The following DHX57 variants were observed in gnomAD, a reference collection of about 807,000 sequenced individuals.
The protein encoded by DHX57 is DExH-box helicase 57.
Under a neutral mutation model 156.2 loss-of-function variants are expected in DHX57, and 105 were observed. The ratio of observed to expected loss-of-function variants is 0.67; its 90% confidence interval spans 0.57 to 0.79. The LOEUF is 0.79. DHX57 is among the 30% of genes least tolerant of loss of function. DHX57 has a pLI of 0.00. For missense variants in DHX57, 1,847 were observed against 1,661.9 expected (o/e 1.11, Z -1.94); for synonymous variants, 704 against 595.6 (o/e 1.18, Z -2.65).
chr2:38,798,151 C>T lies in DHX57; in HGVS notation c.*148G>A. 9.4e-7 allele frequency: 1 copy of T among 1,062,946 alleles called. No homozygotes were observed. The highest frequency in any genetic ancestry group is 1.3e-6 in the Non-Finnish European group (1 of 740,828). The allele number at this position is 1,062,946 out of a possible 1,614,324, so 65.8% of individuals were successfully genotyped here. A position where few individuals can be genotyped will look rare whatever the true frequency, so the allele number is the denominator to read the frequency against. ...TTAGAAATGGCCCTAAGGGTATATA[C>T]ACTGCCTCAGCTGCCTTGGGCTTCA... On this transcript the variant is annotated 3_prime_UTR_variant, in exon 24 of 24. Transcript: ENST00000457308.
At chr2:38,848,500 C>G in intron 9 of DHX57, 98 bp from the exon 10 acceptor site, 1 of 1,229,708 alleles carries the variant, frequency 8.1e-7, no homozygotes, top group Middle Eastern at 2.1e-4. Context: ...TGTAAGATCT[C>G]TGTGAAAAAA....
rs564661659 is a variant in DHX57, at chr2:38,817,639, A to G, written c.3471+1238T>C. 2.6e-5 allele frequency among the ~76,000 whole-genome samples: 4 copies of G among 152,108 alleles called. No individual in the cohort carries two copies. The East Asian group carries it at 7.7e-4, about 29-fold the overall frequency. On this transcript the variant is annotated intron_variant, in intron 19 of 23. Coordinates refer to ENST00000457308, the MANE Select transcript of DHX57 (RefSeq NM_198963.3). ...CCTCATCACTTTGGAAGGGCACCTAAAACACTGTTGCAACAGGAGACAGAA... is the reference window on the plus strand; with the variant it reads ...CCTCATCACTTTGGAAGGGCACCTAGAACACTGTTGCAACAGGAGACAGAA...
chr2:38,847,863 C>T (rs1672371498), intron 10 of DHX57, among the ~76,000 whole-genome samples: 1 of 152,100 alleles, frequency 6.6e-6, no homozygotes, highest in African/African-American at 2.4e-5. Context: ...GCGGGCAGAT[C>T]GTGAGGTCAG....
intron 1 of DHX57, among the ~76,000 whole-genome samples, chr2:38,874,222 G>C (rs1039670896): frequency 7.2e-5 from 11 of 151,902 alleles, no homozygotes; most frequent in African/African-American, 2.7e-4. Flanking sequence ...CTCCTGAATA[G>C]CTGGGACCAC....
At position 38,861,852 on chromosome 2, in the gene DHX57, A is replaced by C. The variant is rs1673241673; in HGVS notation, c.573-15T>G. 1 of 1,560,958 alleles carries C rather than the reference A, an allele frequency of 6.4e-7. No individual in the cohort carries two copies. Among genetic ancestry groups the C allele is most frequent in the South Asian group, 1.2e-5 (1 of 83,506 alleles). ...TGAAACCATACCTGTCAAGGGCAAA[A>C]CATGACAAAAATGACACATAAAAAG... On this transcript the variant is annotated splice_polypyrimidine_tract_variant and intron_variant, in intron 4 of 23. Coordinates refer to ENST00000457308, the MANE Select transcript of DHX57 (RefSeq NM_198963.3).
intron 9 of DHX57, among the ~76,000 whole-genome samples, chr2:38,850,216 C>A (rs1392499201): frequency 1.3e-5 from 2 of 152,184 alleles, no homozygotes; most frequent in African/African-American, 2.4e-5. Flanking sequence ...TACCAGTTTA[C>A]TTCTAAGAAA....
intron 21 of DHX57, among the ~76,000 whole-genome samples, chr2:38,812,207 T>TATAATATAA (rs1670282752): frequency 6.6e-6 from 1 of 152,192 alleles, no homozygotes; most frequent in South Asian, 2.1e-4. Flanking sequence ...TAAAAACCAG[T>TATAATATAA]AAATCTATAT....
intron 10 of DHX57, 149 bp from the exon 11 acceptor site, chr2:38,847,222 G>A: frequency 3.1e-6 from 2 of 641,702 alleles, no homozygotes; most frequent in Non-Finnish European, 5.2e-6. Context: ...GAAAAGTTCT[G>A]GTAACAGAAA....
At position 38,828,332 on chromosome 2, in the gene DHX57, T is replaced by C. The variant is rs1245597098; in HGVS notation, c.2639+8A>G. On this transcript the variant is annotated splice_region_variant and intron_variant, in intron 14 of 23. Transcript: ENST00000457308. ...GATGATTAAGAATATAGAAAGCAAT[T>C]AGCTTACCGATTACTACGTCTGTTG... 2 of 1,604,726 alleles carry C rather than the reference T, an allele frequency of 1.2e-6. No individual in the cohort carries two copies. Among genetic ancestry groups the C allele is most frequent in the Non-Finnish European group, 1.7e-6 (2 of 1,174,332 alleles).
chr2:38,851,982 C>G (rs1186535070), intron 9 of DHX57, among the ~76,000 whole-genome samples: 2 of 151,798 alleles, frequency 1.3e-5, no homozygotes, highest in Non-Finnish European at 2.9e-5. Context: ...GATTATTTGC[C>G]CCTTAGAGAT....
chr2:38,828,642 G>T (rs575097759), intron 13 of DHX57, among the ~76,000 whole-genome samples: 1 of 151,886 alleles, frequency 6.6e-6, no homozygotes, highest in East Asian at 1.9e-4. Flanking sequence ...AGGGTTGCTT[G>T]AGCCAGGGAG....
intron 22 of DHX57, among the ~76,000 whole-genome samples, chr2:38,805,107 G>T (rs893300736): frequency 2.6e-5 from 4 of 152,112 alleles, no homozygotes; most frequent in African/African-American, 4.8e-5. Context: ...TCTCAAAAGA[G>T]GAGTAGTTCT....
intron 14 of DHX57, 44 bp from the exon 15 acceptor site, chr2:38,826,733 C>A: frequency 1.3e-6 from 2 of 1,586,534 alleles, no homozygotes; most frequent in Non-Finnish European, 1.7e-6. Context: ...GCACCTAGCA[C>A]CGAAACTAGA....
intron 10 of DHX57, among the ~76,000 whole-genome samples, 199 bp downstream of exon 10, chr2:38,848,070 G>C (rs1303556962): frequency 6.6e-6 from 1 of 151,024 alleles, no homozygotes; most frequent in Non-Finnish European, 1.5e-5. Context: ...GTGACAGAGC[G>C]AGACTCTGTC....
chr2:38,863,163 C>T (rs1235443076), intron 3 of DHX57, 198 bp downstream of exon 3: 1 of 566,018 alleles, frequency 1.8e-6, no homozygotes, highest in Non-Finnish European at 3.0e-6. Flanking sequence ...AAAAGGCAAT[C>T]CCATGGATGT....
Position 38,858,801 on chromosome 2 carries a change from C to A in DHX57, c.1447G>T (p.Asp483Tyr). The A allele has an allele frequency of 6.2e-7, 1 of 1,612,984 alleles. No individual in the cohort carries two copies. Among genetic ancestry groups the A allele is most frequent in the East Asian group, 2.2e-5 (1 of 44,800 alleles). The change falls in exon 6 of 24, where the codon GAT becomes TAT. Residue 483 changes from aspartate to tyrosine, a missense_variant. Transcript: ENST00000457308. ...ACTATAACAGGTGCAGGACCGTCAT[C>A]CTCATCTGACTCCTCAGATTCTGAT... ...KASESEESDE[D>Y]DGPAPVIVEN...
At chr2:38,856,623 G>GGGTTATTTTTGGGCAGTCACTACAA in intron 6 of DHX57, 162 bp from the exon 7 acceptor site, 1 of 869,578 alleles carries the variant, frequency 1.1e-6, no homozygotes, top group Non-Finnish European at 1.6e-6. Flanking sequence ...CCCGCCTCAA[G>GGGTTATTTTTGGGCAGTCACTACAA]CTCCCAAGTA....
intron 19 of DHX57, 94 bp from the exon 20 acceptor site, chr2:38,815,749 A>AG: frequency 6.7e-7 from 1 of 1,501,456 alleles, no homozygotes. Context: ...GCATTATTTC[A>AG]GGGGGTAGCA....
Position 38,863,155 on chromosome 2 carries a change from A to G in DHX57, c.383+206T>C, listed in dbSNP as rs547526181. 2.6e-4 allele frequency: 142 copies of G among 535,964 alleles called. 2 individuals are homozygous for G. In the South Asian group the frequency reaches 4.3e-3, roughly 16 times the overall value. 33.2% of individuals were successfully genotyped at this position (535,964 alleles called of 1,614,324 possible). A position where few individuals can be genotyped will look rare whatever the true frequency, so the allele number is the denominator to read the frequency against. On this transcript the variant is annotated intron_variant, in intron 3 of 23. Coordinates refer to ENST00000457308, the MANE Select transcript of DHX57 (RefSeq NM_198963.3). ...TGCCCTGGAAAAAAATAAAGATAAA[A>G]AGGCAATCCCATGGATGTTGCAAAA... is the stretch of plus-strand genomic sequence containing the variant.
Sources: allele counts gnomAD v4.1 joint callset (sites outside exome capture counted in the v4.1 genomes callset), GRCh38; gene constraint gnomAD v4.1.1; transcripts MANE v1.5; gene names NCBI Gene and HGNC (gene_info 2026-07-23, HGNC 2026-07-21).